The following TIAM1 variants were observed in gnomAD, a reference collection of about 807,000 sequenced individuals.
TIAM1 encodes the protein TIAM Rac1 associated GEF 1, also known as rho guanine nucleotide exchange factor TIAM1.
TIAM1 carries 65 observed loss-of-function variants against 163.5 expected under a neutral mutation model. The observed-to-expected ratio is 0.40, with a 90% CI of 0.33 to 0.49. The LOEUF (loss-of-function observed/expected upper bound fraction) is 0.49, where lower values mean the gene tolerates loss of function less well. Ranked by LOEUF, TIAM1 falls within the 20% of genes least tolerant of loss-of-function variation. The probability of loss-of-function intolerance (pLI) is 0.77; values close to 1 mark genes in which losing one functional copy is unlikely to be tolerated. For synonymous variants in TIAM1, 833 were observed against 810.1 expected (o/e 1.03, Z -0.48); for missense variants, 1,789 against 2,044.7 (o/e 0.87, Z 2.41).
In TIAM1 at chr21:31,266,310, C is replaced by T; in HGVS notation, c.663G>A (p.Arg221=). 1 of 1,614,210 alleles carries T rather than the reference C, an allele frequency of 6.2e-7. No individual in the cohort carries two copies. The highest frequency in any genetic ancestry group is 8.5e-7 in the Non-Finnish European group (1 of 1,180,036). ...TGGCTCTCTGACAGGTGCTGAGCTG[C>T]CGCGGACTCGCCCGCGTTTCCATCC... is the stretch of plus-strand genomic sequence containing the variant. ...ARGMETRASP[R]QLSTCQRANS... is the part of the protein sequence containing the mutation. The change falls in exon 4 of 28, where the codon CGG becomes CGA. Residue 221 remains arginine, a synonymous_variant. Coordinates refer to ENST00000541036, the MANE Select transcript of TIAM1 (RefSeq NM_001353694.2).
At chr21:31,508,624 A>C (rs917200353) in intron 1 of TIAM1, among the ~76,000 whole-genome samples, 3 of 152,066 alleles carry the variant, frequency 2.0e-5, no homozygotes, top group Non-Finnish European at 2.9e-5. Flanking sequence ...TCCTGACCTC[A>C]GGTGATCTGC....
intron 2 of TIAM1, among the ~76,000 whole-genome samples, chr21:31,336,504 T>C (rs1191574483): frequency 1.3e-5 from 2 of 151,746 alleles, no homozygotes; most frequent in Admixed American, 6.6e-5. Context: ...TTTTTTTTTT[T>C]TTTTTAGTTT....
intron 1 of TIAM1, among the ~76,000 whole-genome samples, chr21:31,486,510 A>G (rs2046277371): frequency 6.6e-6 from 1 of 152,250 alleles, no homozygotes; most frequent in African/African-American, 2.4e-5. Flanking sequence ...TTTACAAAGC[A>G]TTTAATTTAG....
intron 2 of TIAM1, among the ~76,000 whole-genome samples, chr21:31,316,890 G>GTTATCCAGT (rs1337517487): frequency 9.2e-5 from 14 of 152,320 alleles, no homozygotes; most frequent in African/African-American, 3.1e-4. Flanking sequence ...CAGGGAGGGA[G>GTTATCCAGT]GCCTGTTATC....
At chr21:31,150,950 G>C (rs902615163) in intron 19 of TIAM1, among the ~76,000 whole-genome samples, 1 of 152,174 alleles carries the variant, frequency 6.6e-6, no homozygotes, top group Non-Finnish European at 1.5e-5. Context: ...CACCAAGGTG[G>C]ATATACTGAG....
intron 12 of TIAM1, among the ~76,000 whole-genome samples, chr21:31,196,728 A>C (rs1455267339): frequency 6.6e-6 from 1 of 152,156 alleles, no homozygotes; most frequent in African/African-American, 2.4e-5. Context: ...TTGACGCAGC[A>C]ATCCCATTAC....
intron 1 of TIAM1, among the ~76,000 whole-genome samples, chr21:31,494,343 C>G (rs916633244): frequency 5.3e-5 from 8 of 152,208 alleles, no homozygotes; most frequent in Non-Finnish European, 7.3e-5. Context: ...ACAGATGAAG[C>G]ACCAAGATCA....
At chr21:31,498,915 C>T (rs1296818664) in intron 1 of TIAM1, among the ~76,000 whole-genome samples, 2 of 147,840 alleles carry the variant, frequency 1.4e-5, no homozygotes, top group Non-Finnish European at 3.0e-5. Context: ...CACTGCACTC[C>T]AGCCTGGGCT....
intron 15 of TIAM1, among the ~76,000 whole-genome samples, chr21:31,182,065 G>A (rs984027806): frequency 1.3e-4 from 20 of 151,196 alleles, no homozygotes; most frequent in African/African-American, 4.4e-4. Context: ...TTACAGGTGC[G>A]AGCCACCACA....
intron 2 of TIAM1, among the ~76,000 whole-genome samples, chr21:31,286,380 A>G (rs1417560054): frequency 1.3e-5 from 2 of 152,132 alleles, no homozygotes; most frequent in African/African-American, 4.8e-5. Flanking sequence ...TCTGGGCAAC[A>G]TGGTAAGACC....
intron 1 of TIAM1, among the ~76,000 whole-genome samples, chr21:31,525,750 G>A (rs976052720): frequency 1.3e-5 from 2 of 151,896 alleles, no homozygotes; most frequent in African/African-American, 4.8e-5. Flanking sequence ...TATGTCATCC[G>A]ACGCCAGGCA....
At chr21:31,537,356 T>C (rs1162804243) in intron 1 of TIAM1, among the ~76,000 whole-genome samples, 1 of 150,358 alleles carries the variant, frequency 6.7e-6, no homozygotes, top group Non-Finnish European at 1.5e-5. Context: ...TGTATGACAG[T>C]AAAGAAGATG....
chr21:31,493,463 G>GCT (rs2046541658), intron 1 of TIAM1, among the ~76,000 whole-genome samples: 1 of 152,202 alleles, frequency 6.6e-6, no homozygotes, highest in South Asian at 2.1e-4. Context: ...TGGAAATTAG[G>GCT]TAGACTGGCA....
intron 22 of TIAM1, among the ~76,000 whole-genome samples, chr21:31,139,355 C>T (rs940505140): frequency 2.0e-5 from 3 of 151,964 alleles, no homozygotes; most frequent in African/African-American, 4.8e-5. Flanking sequence ...ATGAAATAAA[C>T]CAAAGGATGG....
Position 31,528,968 on chromosome 21 carries a change from C to G in TIAM1, c.-422+29959G>C, listed in dbSNP as rs570381504. Among the ~76,000 whole-genome samples the G allele has an allele frequency of 2.8e-3, 412 of 149,240 alleles. 3 individuals carry two copies. The highest frequency in any genetic ancestry group is 0.014 in the South Asian group (66 of 4,658). The stretch of plus-strand genomic sequence containing the variant: ...TGAGACAGAGTCTCAGTCGCCCAGG[C>G]TGGAGTGCAGTGGCGCGATCTCAGC... On this transcript the variant is annotated intron_variant, in intron 1 of 28. Coordinates refer to the TIAM1 transcript ENST00000286827.
At chr21:31,272,480 A>G (rs1250972385) in intron 3 of TIAM1, among the ~76,000 whole-genome samples, 1 of 123,114 alleles carries the variant, frequency 8.1e-6, no homozygotes, top group Non-Finnish European at 1.7e-5. Context: ...AGCCTTTTGT[A>G]AAAAAAAAAA....
intron 2 of TIAM1, among the ~76,000 whole-genome samples, chr21:31,280,442 C>T (rs532019706): frequency 5.9e-5 from 9 of 152,014 alleles, no homozygotes; most frequent in Non-Finnish European, 1.0e-4. Context: ...TCCCCAGCCA[C>T]GTGGAACTGT....
intron 20 of TIAM1, among the ~76,000 whole-genome samples, chr21:31,142,643 AAAAG>A (rs1296188592): frequency 0.01 from 1,492 of 147,182 alleles, 28 homozygotes; most frequent in African/African-American, 0.038. Flanking sequence ...AAAAAAAAAA[AAAAG>A]AAAGAAAAAA....
intron 1 of TIAM1, among the ~76,000 whole-genome samples, chr21:31,504,107 G>A (rs187127721): frequency 2.6e-4 from 39 of 152,260 alleles, no homozygotes; most frequent in Admixed American, 2.4e-3. Context: ...AAGCATGAGC[G>A]CTCTCCAAGT....
Sources: gnomAD v4.1 joint callset for allele counts (sites outside exome capture counted in the v4.1 genomes callset) on GRCh38, gnomAD v4.1.1 for gene constraint, MANE v1.5 for transcripts, NCBI Gene and HGNC (gene_info 2026-07-23, HGNC 2026-07-21) for gene names.